ZFHX3: variants seen among roughly 807,000 people sequenced by gnomAD.
ZFHX3 encodes zinc finger homeobox protein 3.
ZFHX3 carries 42 observed loss-of-function variants against 279.1 expected under a neutral mutation model. That is an observed-to-expected ratio of 0.15 (90% CI 0.12 to 0.19). ZFHX3 has a LOEUF of 0.19. Among genes scored for constraint, ZFHX3 ranks in the 10% least tolerant of loss-of-function variants. The pLI is 1.00. For synonymous variants in ZFHX3, 2,293 were observed against 1,957.8 expected (o/e 1.17, Z -4.52); for missense variants, 4,981 against 4,754.0 (o/e 1.05, Z -1.40).
chr16:72,945,907 C>T (rs1960648653), intron 3 of ZFHX3, among the ~76,000 whole-genome samples: 1 of 152,016 alleles, frequency 6.6e-6, no homozygotes, highest in South Asian at 2.1e-4. Context: ...TTCCTAAGAC[C>T]CCCACTTCCC....
At position 72,959,514 on chromosome 16, in the gene ZFHX3, G is replaced by A. The variant is rs1461900680; in HGVS notation, c.632C>T (p.Pro211Leu). ...ASSFGKWFEG[P>L]DQAFPNTSAL... Reference sequence around the variant, plus strand: ...TGAGGTATTCGGGAAAGCCTGGTCTGGGCCCTCAAACCATTTCCCGAAGGA... The same window carrying A: ...TGAGGTATTCGGGAAAGCCTGGTCTAGGCCCTCAAACCATTTCCCGAAGGA... The change falls in exon 2 of 10, where the codon CCA (proline) becomes CTA (leucine). Residue 211 changes from proline (P) to leucine (L), a missense_variant. Transcript: ENST00000268489. The A allele has an allele frequency of 6.2e-7, 1 of 1,614,252 alleles. No homozygotes were observed.
intron 7 of ZFHX3, among the ~76,000 whole-genome samples, chr16:72,800,739 T>C (rs2036073330): frequency 6.6e-6 from 1 of 152,140 alleles, no homozygotes; most frequent in African/African-American, 2.4e-5. Context: ...CAAACAAGCC[T>C]TTTTTTGTGA....
At chr16:73,522,344 G>A (rs999506922) in intron 2 of ZFHX3, among the ~76,000 whole-genome samples, 3 of 152,168 alleles carry the variant, frequency 2.0e-5, no homozygotes, top group African/African-American at 7.2e-5. Flanking sequence ...TTCTTGTTCA[G>A]GAAACGCTTG....
chr16:73,710,538 T>TA (rs1309689191), intron 1 of ZFHX3, among the ~76,000 whole-genome samples: 5 of 152,334 alleles, frequency 3.3e-5, no homozygotes, highest in African/African-American at 9.6e-5. Flanking sequence ...CTTGAGTTTT[T>TA]ACCCCTTCCC....
intron 1 of ZFHX3, among the ~76,000 whole-genome samples, chr16:73,714,837 G>T (rs2142230801): frequency 6.6e-6 from 1 of 152,200 alleles, no homozygotes; most frequent in South Asian, 2.1e-4. Context: ...TTCCTGCTCA[G>T]AAATTCATAC....
At chr16:73,072,349 C>T (rs1296308496) in intron 8 of ZFHX3, among the ~76,000 whole-genome samples, 1 of 150,412 alleles carries the variant, frequency 6.6e-6, no homozygotes, top group Non-Finnish European at 1.5e-5. Flanking sequence ...GAGGCTGAGG[C>T]AGGAGACTCG....
intron 4 of ZFHX3, among the ~76,000 whole-genome samples, chr16:72,871,485 G>T (rs1435788413): frequency 6.6e-6 from 1 of 152,058 alleles, no homozygotes; most frequent in African/African-American, 2.4e-5. Flanking sequence ...GGGATTACAA[G>T]CACGCGCCAC....
intron 1 of ZFHX3, among the ~76,000 whole-genome samples, chr16:73,726,946 A>C (rs1025876706): frequency 6.6e-6 from 1 of 152,194 alleles, no homozygotes; most frequent in Non-Finnish European, 1.5e-5. Context: ...TGGGATCCCA[A>C]AAAGTCTTCA....
intron 1 of ZFHX3, among the ~76,000 whole-genome samples, chr16:73,007,133 T>C (rs1597083368): frequency 6.6e-6 from 1 of 152,258 alleles, no homozygotes; most frequent in East Asian, 1.9e-4. Flanking sequence ...ATTAAGCCCC[T>C]TCTTACATTT....
intron 3 of ZFHX3, among the ~76,000 whole-genome samples, chr16:73,344,175 A>G (rs7184929): frequency 0.36 from 54,389 of 152,028 alleles, 11,392 homozygotes; most frequent in Non-Finnish European, 0.48. Flanking sequence ...TAAAGATAAC[A>G]TCACAAATAA....
chr16:72,965,185 T>C (rs2144487941), intron 1 of ZFHX3, among the ~76,000 whole-genome samples: 1 of 152,364 alleles, frequency 6.6e-6, no homozygotes, highest in African/African-American at 2.4e-5. Flanking sequence ...GGCCTGTTTT[T>C]CTTTAATGTC....
At chr16:73,560,948 G>A (rs1395643490) in intron 2 of ZFHX3, among the ~76,000 whole-genome samples, 1 of 152,166 alleles carries the variant, frequency 6.6e-6, no homozygotes, top group East Asian at 1.9e-4. Flanking sequence ...TGAGATTAGT[G>A]AAAGGGAACA....
intron 1 of ZFHX3, among the ~76,000 whole-genome samples, chr16:73,864,349 T>C (rs1172831384): frequency 2.0e-5 from 3 of 152,220 alleles, no homozygotes; most frequent in African/African-American, 7.2e-5. Flanking sequence ...TGACAAGCAC[T>C]ATGCTAAATG....
At chr16:72,850,200 C>G (rs998726514) in intron 4 of ZFHX3, among the ~76,000 whole-genome samples, 3 of 152,218 alleles carry the variant, frequency 2.0e-5, no homozygotes, top group Non-Finnish European at 4.4e-5. Context: ...TGACCCCAGC[C>G]TCCCCAAGCC....
intron 1 of ZFHX3, among the ~76,000 whole-genome samples, chr16:72,964,585 G>C (rs972307297): frequency 6.6e-6 from 1 of 151,370 alleles, no homozygotes; most frequent in Middle Eastern, 3.4e-3. Context: ...AGGATTGCTA[G>C]AGCCCAGGAG....
At chr16:73,655,206 G>A (rs1375183111) in intron 2 of ZFHX3, among the ~76,000 whole-genome samples, 6 of 152,068 alleles carry the variant, frequency 3.9e-5, no homozygotes, top group South Asian at 4.1e-4. Context: ...TCCTCATTTC[G>A]CATCTTTGAG....
chr16:73,268,735 C>T (rs994678626), intron 4 of ZFHX3, among the ~76,000 whole-genome samples: 1 of 152,142 alleles, frequency 6.6e-6, no homozygotes, highest in African/African-American at 2.4e-5. Context: ...TGGTGCAACC[C>T]GAAACACTGC....
chr16:72,909,496 A>T (rs1045631287), intron 3 of ZFHX3, among the ~76,000 whole-genome samples: 31 of 152,190 alleles, frequency 2.0e-4, no homozygotes, highest in Non-Finnish European at 3.2e-4. Flanking sequence ...CTCTCAATAA[A>T]GGGAACATAT....
intron 7 of ZFHX3, chr16:73,127,681 G>T: frequency 8.5e-7 from 1 of 1,178,374 alleles, no homozygotes; most frequent in Non-Finnish European, 1.1e-6. Flanking sequence ...TTAAAACCCC[G>T]ATGCTTTTTC....
Sources: allele counts gnomAD v4.1 joint callset (sites outside exome capture counted in the v4.1 genomes callset), GRCh38; gene constraint gnomAD v4.1.1; transcripts MANE v1.5; gene names NCBI Gene and HGNC (gene_info 2026-07-23, HGNC 2026-07-21).